The following KIF27 variants were observed in gnomAD, a reference collection of about 807,000 sequenced individuals.
KIF27 encodes kinesin family member 27.
In KIF27, 84 loss-of-function variants were observed where a neutral mutation model predicts 141.8. The ratio of observed to expected loss-of-function variants is 0.59; its 90% CI spans 0.50 to 0.71. The LOEUF is 0.71. KIF27 is among the 30% of genes least tolerant of loss of function. The pLI, the probability that KIF27 is intolerant of heterozygous loss-of-function variation, is 0.00. For synonymous variants in KIF27, 471 were observed against 569.5 expected, an observed-to-expected ratio of 0.83 and a Z score of 2.46; for missense variants, 1,306 against 1,628.4, an observed-to-expected ratio of 0.80 and a Z score of 3.41.
rs1250479067 is a variant in KIF27 at position 83,835,580 on chromosome 9, ACT to A, written c.*1419_*1420del. 1 of 151,990 alleles carries A rather than the reference ACT, an allele frequency of 6.6e-6. No individual in the cohort carries two copies. The highest frequency in any genetic ancestry group is 6.6e-5 in the Admixed American group (1 of 15,226). 9.4% of individuals were successfully genotyped at this position (151,990 alleles called of 1,614,324 possible). On this transcript the variant is annotated 3_prime_UTR_variant, in exon 18 of 18. Transcript: ENST00000297814. Reference sequence around the variant, plus strand: ...TGGTTTTTAGCAAGGAGACCAAGAAACTCTACTCCCTAGGGGCTAGCAATGAG... The same window carrying A: ...TGGTTTTTAGCAAGGAGACCAAGAAACTACTCCCTAGGGGCTAGCAATGAG...
intron 3 of KIF27, among the ~76,000 whole-genome samples, chr9:83,906,385 T>A (rs1954533176): frequency 6.6e-6 from 1 of 152,106 alleles, no homozygotes; most frequent in Non-Finnish European, 1.5e-5. Context: ...TGCTAGGAAA[T>A]TCCCTCCTCT....
rs189331997 is a variant in KIF27, at chr9:83,891,605, T to C, written c.1603-104A>G. 7.0e-5 allele frequency: 72 copies of C among 1,035,944 alleles called. No individual in the cohort carries two copies. The African/African-American group carries it at 1.0e-3, about 15-fold the overall frequency. 64.2% of individuals were successfully genotyped at this position (1,035,944 alleles called of 1,614,324 possible). ...TTGACCAAAATCATAACTACTTTAA[T>C]AATACAGTCAATTCTCATTTATCCA... On this transcript the variant is annotated intron_variant, in intron 5 of 17. Transcript: ENST00000297814.
intron 5 of KIF27, among the ~76,000 whole-genome samples, chr9:83,896,463 T>A (rs865877659): frequency 9.9e-5 from 15 of 151,840 alleles, no homozygotes; most frequent in African/African-American, 3.6e-4. Context: ...TTTTTAAAGA[T>A]TCCATTTATA....
intron 2 of KIF27, among the ~76,000 whole-genome samples, chr9:83,911,528 C>T (rs1263579268): frequency 1.3e-5 from 2 of 152,042 alleles, no homozygotes; most frequent in South Asian, 2.1e-4. Context: ...CACACCCGGC[C>T]CACTTTTATG....
chr9:83,845,118 C>A (rs1222030307), intron 16 of KIF27, among the ~76,000 whole-genome samples: 1 of 152,148 alleles, frequency 6.6e-6, no homozygotes, highest in Non-Finnish European at 1.5e-5. Context: ...CTGTTTGGAG[C>A]CTCTCCCAGG....
Position 83,848,718 on chromosome 9 carries a change from A to G in KIF27, c.3556+1381T>C, listed in dbSNP as rs536075461. 5.3e-5 allele frequency: 8 copies of G among 151,324 alleles called. No individual in the cohort carries two copies. In the East Asian group the frequency reaches 7.8e-4, roughly 15 times the overall value. 9.4% of individuals were successfully genotyped at this position (151,324 alleles called of 1,614,324 possible). On this transcript the variant is annotated intron_variant, in intron 16 of 17. Coordinates refer to ENST00000297814, the MANE Select transcript of KIF27 (RefSeq NM_017576.4). ...GCTTTCAAGTAAGCCTCCCACCACAACCTTCCAGAATGCTGGGATTATAGG... is the reference window on the plus strand; with the variant it reads ...GCTTTCAAGTAAGCCTCCCACCACAGCCTTCCAGAATGCTGGGATTATAGG...
rs1008970840 is a variant in KIF27, at chr9:83,834,490, T to C, written c.*2511A>G. On this transcript the variant is annotated 3_prime_UTR_variant, in exon 18 of 18. Coordinates refer to ENST00000297814, the MANE Select transcript of KIF27 (RefSeq NM_017576.4). ...TTGTTATTTAGAAATCAACTCACAA[T>C]TGCATAGTCAAACCTAATCATTGTT... Among the ~76,000 whole-genome samples the C allele has an allele frequency of 1.3e-5, 2 of 152,102 alleles. No homozygotes were observed. Among genetic ancestry groups the C allele is most frequent in the Non-Finnish European group, 2.9e-5 (2 of 67,948 alleles).
At chr9:83,880,863 C>T (rs942923618) in intron 10 of KIF27, among the ~76,000 whole-genome samples, 4 of 152,184 alleles carry the variant, frequency 2.6e-5, no homozygotes, top group Admixed American at 2.0e-4. Context: ...ATCTACCTGT[C>T]CTGCTTCCCA....
chr9:83,881,414 T>C (rs1951664431), intron 10 of KIF27, among the ~76,000 whole-genome samples: 1 of 152,218 alleles, frequency 6.6e-6, no homozygotes, highest in Non-Finnish European at 1.5e-5. Context: ...GGCAATAAAG[T>C]GTTAGCATAG....
chr9:83,919,109 A>G (rs1742974111), intron 1 of KIF27, among the ~76,000 whole-genome samples: 1 of 152,098 alleles, frequency 6.6e-6, no homozygotes, highest in African/African-American at 2.4e-5. Context: ...CCACAATGAG[A>G]TACCAATCCA....
intron 4 of KIF27, among the ~76,000 whole-genome samples, chr9:83,900,081 T>C (rs1462302635): frequency 6.6e-6 from 1 of 152,172 alleles, no homozygotes; most frequent in Admixed American, 6.6e-5. Flanking sequence ...CTAGAGTACC[T>C]TCACTAAGAT....
chr9:83,888,003 T>G (rs1952271887), intron 8 of KIF27, among the ~76,000 whole-genome samples: 1 of 110,686 alleles, frequency 9.0e-6, no homozygotes, highest in Non-Finnish European at 1.8e-5. Flanking sequence ...TACTACCGGC[T>G]GGGCACAGTG....
chr9:83,904,218 C>T (rs1954250537), intron 3 of KIF27, among the ~76,000 whole-genome samples, 200 bp from the exon 4 acceptor site: 2 of 152,238 alleles, frequency 1.3e-5, no homozygotes, highest in Non-Finnish European at 2.9e-5. Flanking sequence ...TAACAGACAG[C>T]ACTTATTTTG....
At chr9:83,863,427 A>G (rs1484923513) in intron 13 of KIF27, among the ~76,000 whole-genome samples, 2 of 152,170 alleles carry the variant, frequency 1.3e-5, no homozygotes, top group Admixed American at 1.3e-4. Flanking sequence ...GCATCTATTG[A>G]GATAATCATG....
In KIF27 at chr9:83,903,156, GAGGAC is replaced by G. The variant is rs1172786094; in HGVS notation, c.1357_1361del (p.Val453HisfsTer29). The G allele has an allele frequency of 6.2e-7, 1 of 1,614,108 alleles. No homozygotes were observed. Among genetic ancestry groups the G allele is most frequent in the Non-Finnish European group, 8.5e-7 (1 of 1,180,004 alleles). On this transcript the variant is annotated frameshift_variant, in exon 4 of 18. Transcript: ENST00000297814. LOFTEE classifies it high-confidence loss of function. The stretch of plus-strand genomic sequence containing the variant: ...TGCCTCCGATTCCTCGAAATGAGGT[GAGGAC>G]AGCCTTCCTGACCTCTTGGATCATG...
chr9:83,877,389 T>G (rs1247935929), intron 11 of KIF27, among the ~76,000 whole-genome samples: 1 of 152,130 alleles, frequency 6.6e-6, no homozygotes, highest in Non-Finnish European at 1.5e-5. Flanking sequence ...TTGATAAGGG[T>G]GCCAAGTCCA....
rs145090389 is a variant in KIF27 at position 83,906,825 on chromosome 9, A to G, written c.499+1627T>C. 1.6e-3 allele frequency among the ~76,000 whole-genome samples: 249 copies of G among 151,988 alleles called. 1 individual carries two copies. The highest frequency in any genetic ancestry group is 5.6e-3 in the African/African-American group (231 of 41,484). ...AACCTAGAAACAGCCTAAATGTCCA[A>G]CAATGGAATATTAAATAACTATAAA... On this transcript the variant is annotated intron_variant, in intron 3 of 17. Coordinates refer to ENST00000297814, the MANE Select transcript of KIF27 (RefSeq NM_017576.4).
At chr9:83,839,926 A>T (rs1946369931) in intron 17 of KIF27, among the ~76,000 whole-genome samples, 1 of 152,120 alleles carries the variant, frequency 6.6e-6, no homozygotes, top group African/African-American at 2.4e-5. Context: ...CTGGGTAACA[A>T]GAGTGAAACT....
intron 15 of KIF27, 152 bp downstream of exon 15, chr9:83,853,477 T>A: frequency 1.6e-6 from 1 of 610,334 alleles, no homozygotes; most frequent in Non-Finnish European, 2.8e-6. Flanking sequence ...ATGACAACAT[T>A]TAGTTCTATA....
Sources: gnomAD v4.1 joint callset for allele counts (sites outside exome capture counted in the v4.1 genomes callset) on GRCh38, gnomAD v4.1.1 for gene constraint, MANE v1.5 for transcripts, NCBI Gene and HGNC (gene_info 2026-07-23, HGNC 2026-07-21) for gene names.